The following EYS variants were observed in gnomAD, a reference collection of about 807,000 sequenced individuals.
EYS encodes EGF-like photoreceptor maintenance factor.
EYS carries 250 observed loss-of-function variants against 282.1 expected under a neutral mutation model. The observed-to-expected ratio is 0.89, with a 90% confidence interval of 0.80 to 0.98. The LOEUF is 0.98. Ranked by LOEUF, EYS falls within the 50% of genes least tolerant of loss-of-function variation. The pLI is 0.00. For synonymous variants in EYS, 1,355 were observed against 1,282.9 expected, an observed-to-expected ratio of 1.06 and a Z score of -1.20; for missense variants, 4,016 against 3,709.0, an observed-to-expected ratio of 1.08 and a Z score of -2.15.
chr6:65,592,578 C>A (rs1582494203), intron 2 of EYS, among the ~76,000 whole-genome samples: 1 of 151,946 alleles, frequency 6.6e-6, no homozygotes, highest in Admixed American at 6.6e-5. Context: ...ACCCTCACAA[C>A]CACCCAGAGG....
At chr6:65,383,863 T>A (rs2150351466) in intron 8 of EYS, among the ~76,000 whole-genome samples, 1 of 152,072 alleles carries the variant, frequency 6.6e-6, no homozygotes, top group Middle Eastern at 3.4e-3. Flanking sequence ...AGTTTCAGAT[T>A]TGAAGTGAAA....
At chr6:64,636,379 C>G (rs1410885776) in intron 22 of EYS, among the ~76,000 whole-genome samples, 1 of 152,150 alleles carries the variant, frequency 6.6e-6, no homozygotes, top group Non-Finnish European at 1.5e-5. Context: ...GGAAAACTGG[C>G]TAGCCATATG....
Position 64,013,112 on chromosome 6 carries a change from T to TA in EYS, c.6726-13930dup, listed in dbSNP as rs1168535146. Among the ~76,000 whole-genome samples the TA allele has an allele frequency of 7.9e-5, 12 of 152,216 alleles. No individual in the cohort carries two copies. In the East Asian group the frequency reaches 2.3e-3, roughly 29 times the overall value. On this transcript the variant is annotated intron_variant, in intron 33 of 42. Transcript: ENST00000503581. ...CCATTTTCCTGTGATGTACTGATAT[T>TA]AAAAAAGGATCTGTGATGATTCCTG... is the stretch of plus-strand genomic sequence containing the variant.
At chr6:65,137,559 A>C (rs1242295436) in intron 12 of EYS, among the ~76,000 whole-genome samples, 2 of 152,118 alleles carry the variant, frequency 1.3e-5, no homozygotes, top group Non-Finnish European at 2.9e-5. Context: ...TTCAGTATAC[A>C]AAAAGAAGTA....
intron 33 of EYS, among the ~76,000 whole-genome samples, chr6:64,012,874 T>TAGA (rs1768708257): frequency 6.6e-6 from 1 of 152,198 alleles, no homozygotes; most frequent in South Asian, 2.1e-4. Flanking sequence ...CATCCTGTTT[T>TAGA]TGCTTAGATC....
chr6:65,599,760 T>C (rs1765548014), intron 2 of EYS, among the ~76,000 whole-genome samples: 1 of 151,968 alleles, frequency 6.6e-6, no homozygotes, highest in Admixed American at 6.6e-5. Flanking sequence ...TCCTTCTTAG[T>C]TTTTGTCTCC....
At chr6:65,177,159 C>G (rs966693599) in intron 12 of EYS, among the ~76,000 whole-genome samples, 1 of 151,672 alleles carries the variant, frequency 6.6e-6, no homozygotes, top group Admixed American at 6.6e-5. Flanking sequence ...ATAAACAAGA[C>G]TATATTCAAA....
intron 22 of EYS, among the ~76,000 whole-genome samples, chr6:64,714,565 G>T (rs1462331860): frequency 7.5e-6 from 1 of 133,254 alleles, no homozygotes; most frequent in African/African-American, 3.0e-5. Flanking sequence ...TGGCTCTGTC[G>T]CCCAGGCTGG....
chr6:65,476,854 C>G (rs1765427583), intron 5 of EYS, among the ~76,000 whole-genome samples: 1 of 152,102 alleles, frequency 6.6e-6, no homozygotes, highest in Non-Finnish European at 1.5e-5. Flanking sequence ...GGATTACAGG[C>G]ATGAGCCACA....
intron 5 of EYS, among the ~76,000 whole-genome samples, chr6:65,478,354 G>A (rs1368354865): frequency 6.6e-6 from 1 of 152,068 alleles, no homozygotes; most frequent in Non-Finnish European, 1.5e-5. Context: ...CCATAAAAAG[G>A]ATACTGGATT....
intron 30 of EYS, among the ~76,000 whole-genome samples, chr6:64,241,212 T>G (rs1408650637): frequency 6.6e-6 from 1 of 152,180 alleles, no homozygotes; most frequent in Non-Finnish European, 1.5e-5. Context: ...TTTCTTTTTT[T>G]GTGTGTTTCT....
intron 37 of EYS, among the ~76,000 whole-genome samples, chr6:63,798,563 T>C (rs1770700568): frequency 6.6e-6 from 1 of 152,198 alleles, no homozygotes. Context: ...ATTAGGGAAT[T>C]GGCCATAGCC....
intron 22 of EYS, among the ~76,000 whole-genome samples, chr6:64,757,744 TTGTGTGTGTGTGTGTGTGTG>T (rs66825340): frequency 0.012 from 1,644 of 139,908 alleles, 24 homozygotes; most frequent in African/African-American, 0.041. Context: ...CTTTTTTTCT[TTGTGTGTGTGTGTGTGTGTG>T]TGTGTGTGTG....
intron 22 of EYS, among the ~76,000 whole-genome samples, chr6:64,809,207 C>T (rs553130504): frequency 2.4e-4 from 36 of 152,056 alleles, no homozygotes; most frequent in African/African-American, 8.7e-4. Context: ...ATATAAAATG[C>T]TAGAAACTGA....
intron 24 of EYS, 108 bp from the exon 25 acceptor site, chr6:64,593,417 T>G (rs773573062): frequency 3.1e-5 from 21 of 686,922 alleles, no homozygotes; most frequent in Middle Eastern, 2.9e-4. Context: ...ACATATTGGA[T>G]AGCTCAAATA....
chr6:64,439,706 T>C (rs1250581970), intron 26 of EYS, among the ~76,000 whole-genome samples: 2 of 151,874 alleles, frequency 1.3e-5, no homozygotes, highest in Non-Finnish European at 1.5e-5. Context: ...ATGATTAATA[T>C]TGTTAATAAT....
chr6:64,959,346 C>G (rs1009899126), intron 14 of EYS, among the ~76,000 whole-genome samples: 1 of 152,160 alleles, frequency 6.6e-6, no homozygotes, highest in African/African-American at 2.4e-5. Context: ...AATCATTACT[C>G]CTCTCCTCAG....
intron 29 of EYS, among the ~76,000 whole-genome samples, chr6:64,382,740 A>T (rs73764412): frequency 0.038 from 5,800 of 152,278 alleles, 358 homozygotes; most frequent in African/African-American, 0.13. Context: ...CACACAGATT[A>T]AGAGAGAATC....
At chr6:65,049,935 A>G (rs1228982616) in intron 13 of EYS, among the ~76,000 whole-genome samples, 1 of 151,692 alleles carries the variant, frequency 6.6e-6, no homozygotes, top group Non-Finnish European at 1.5e-5. Flanking sequence ...ATGGTCAATT[A>G]CAGTACTTTT....
Sources: gnomAD v4.1 joint callset for allele counts (sites outside exome capture counted in the v4.1 genomes callset) on GRCh38, gnomAD v4.1.1 for gene constraint, MANE v1.5 for transcripts, NCBI Gene and HGNC (gene_info 2026-07-23, HGNC 2026-07-21) for gene names.